CXXC4: variants seen among roughly 807,000 people sequenced by gnomAD.
The protein encoded by CXXC4 is CXXC-type zinc finger protein 4.
In CXXC4, 5 loss-of-function variants were observed where a neutral mutation model predicts 20.5. The ratio of observed to expected loss-of-function variants is 0.24; its 90% CI spans 0.13 to 0.51. CXXC4 has a LOEUF of 0.51. Ranked by LOEUF, CXXC4 falls within the 20% of genes least tolerant of loss-of-function variation. The probability of loss-of-function intolerance (pLI) is 0.97; values close to 1 mark genes in which losing one functional copy is unlikely to be tolerated. For synonymous variants in CXXC4, 250 were observed against 216.4 expected (o/e 1.16, Z -1.36); for missense variants, 419 against 496.4 (o/e 0.84, Z 1.48).
Position 104,472,580 on chromosome 4 carries a change from T to C in CXXC4, c.1060-214A>G, listed in dbSNP as rs28368367. 6.7e-3 allele frequency among the ~76,000 whole-genome samples: 1,019 copies of C among 152,120 alleles called. 9 individuals are homozygous for C. The highest frequency in any genetic ancestry group is 0.023 in the African/African-American group (952 of 41,548). The stretch of plus-strand genomic sequence containing the variant: ...TTTAATGCTAACTTGCTGAATATAC[T>C]GATTAAAACACATTGGTTTAAAAAT... On this transcript the variant is annotated intron_variant, in intron 2 of 2. Transcript: ENST00000394767.
chr4:104,494,658 T>G (rs1578326521), intron 1 of CXXC4, 43 bp downstream of exon 1: 2 of 105,764 alleles, frequency 1.9e-5, no homozygotes, highest in Non-Finnish European at 2.1e-5. Flanking sequence ...AACAAACTGT[T>G]GGGGGGGGGG....
intron 2 of CXXC4, among the ~76,000 whole-genome samples, chr4:104,490,366 T>C (rs1233737869): frequency 6.6e-6 from 1 of 152,256 alleles, no homozygotes; most frequent in East Asian, 1.9e-4. Flanking sequence ...AGTAAACTTG[T>C]ATAGGATGTG....
rs938866772 is a variant in CXXC4 at position 104,491,722 on chromosome 4, C to T, written c.81G>A (p.Gly27=). 1 of 1,544,798 alleles carries T rather than the reference C, an allele frequency of 6.5e-7. No individual in the cohort carries two copies. Among genetic ancestry groups the T allele is most frequent in the South Asian group, 1.2e-5 (1 of 83,406 alleles). Residue 27 remains glycine (G), a synonymous_variant, in exon 2 of 3, where the codon GGG becomes GGA. Coordinates refer to ENST00000394767, the MANE Select transcript of CXXC4 (RefSeq NM_025212.4). ...GLPKESHLPE[G]ALNSLVDYNS... Reference sequence around the variant, plus strand: ...TGTAATCCACAAGGCTGTTCAGAGCCCCCTCGGGCAAGTGGCTTTCCTTGG... The same window carrying T: ...TGTAATCCACAAGGCTGTTCAGAGCTCCCTCGGGCAAGTGGCTTTCCTTGG...
At chr4:104,494,003 C>T (rs1335926924) in intron 1 of CXXC4, among the ~76,000 whole-genome samples, 1 of 152,042 alleles carries the variant, frequency 6.6e-6, no homozygotes, top group Non-Finnish European at 1.5e-5. Context: ...TGTTTCCAAA[C>T]ACAAGCTTTC....
chr4:104,469,382 G>C lies in CXXC4; in HGVS notation c.*2940C>G, dbSNP rs896085726. The C allele has an allele frequency of 6.6e-6, 1 of 152,016 alleles. No individual in the cohort carries two copies. Among genetic ancestry groups the C allele is most frequent in the Non-Finnish European group, 1.5e-5 (1 of 67,976 alleles). The allele number at this position is 152,016 out of a possible 1,614,324, so 9.4% of individuals were successfully genotyped here. ...CCACGCCTAGGGAGGACAAGATCCT[G>C]TGTGCGTAGACCACTCTTACAAAGT... On this transcript the variant is annotated 3_prime_UTR_variant, in exon 3 of 3. Transcript: ENST00000394767.
At chr4:104,472,695 G>C (rs890897063) in intron 2 of CXXC4, among the ~76,000 whole-genome samples, 1 of 151,906 alleles carries the variant, frequency 6.6e-6, no homozygotes, top group Non-Finnish European at 1.5e-5. Context: ...AGTCAGCACA[G>C]GTACTTAAAA....
chr4:104,484,328 T>C (rs927592104), intron 2 of CXXC4, among the ~76,000 whole-genome samples: 5 of 152,044 alleles, frequency 3.3e-5, no homozygotes, highest in African/African-American at 9.7e-5. Flanking sequence ...TTAAGTTACT[T>C]GATACTAGTG....
intron 2 of CXXC4, among the ~76,000 whole-genome samples, chr4:104,479,806 C>CGTCCTT (rs1387858103): frequency 6.9e-6 from 1 of 144,836 alleles, no homozygotes; most frequent in African/African-American, 2.5e-5. Flanking sequence ...TCCGTCCTTC[C>CGTCCTT]GTCCTTCCTT....
chr4:104,491,814 G>T lies in CXXC4; in HGVS notation c.-12C>A. 3 of 1,399,580 alleles carry T rather than the reference G, an allele frequency of 2.1e-6. No individual in the cohort carries two copies. The highest frequency in any genetic ancestry group is 2.8e-6 in the Non-Finnish European group (3 of 1,065,252). 86.7% of individuals were successfully genotyped at this position (1,399,580 alleles called of 1,614,324 possible). A position where few individuals can be genotyped will look rare whatever the true frequency, so the allele number is the denominator to read the frequency against. Reference sequence around the variant, plus strand: ...ACATTGGTGTTCATGGTGCAGGGGGGGAAGAAGGGGTGCAGGGTGGAAGTG... The same window carrying T: ...ACATTGGTGTTCATGGTGCAGGGGGTGAAGAAGGGGTGCAGGGTGGAAGTG... On this transcript the variant is annotated 5_prime_UTR_variant, in exon 2 of 3. Coordinates refer to ENST00000394767, the MANE Select transcript of CXXC4 (RefSeq NM_025212.4).
chr4:104,470,572 A>G lies in CXXC4; in HGVS notation c.*1750T>C, dbSNP rs776746596. On this transcript the variant is annotated 3_prime_UTR_variant, in exon 3 of 3. Coordinates refer to ENST00000394767, the MANE Select transcript of CXXC4 (RefSeq NM_025212.4). ...AATCTACAACTAAATTTTTAAAAATATTCACTTACTAGTCTTTCCTAATCT... is the reference window on the plus strand; with the variant it reads ...AATCTACAACTAAATTTTTAAAAATGTTCACTTACTAGTCTTTCCTAATCT... The G allele has an allele frequency of 3.9e-5, 6 of 152,084 alleles. No individual in the cohort carries two copies. The highest frequency in any genetic ancestry group is 8.8e-5 in the Non-Finnish European group (6 of 67,984). 9.4% of individuals were successfully genotyped at this position (152,084 alleles called of 1,614,324 possible).
chr4:104,475,902 C>T (rs1379504732), intron 2 of CXXC4, among the ~76,000 whole-genome samples: 2 of 152,106 alleles, frequency 1.3e-5, no homozygotes, highest in East Asian at 3.9e-4. Flanking sequence ...CTTCACTGTT[C>T]ATGCAGGTGC....
chr4:104,486,615 C>T (rs762446425), intron 2 of CXXC4, among the ~76,000 whole-genome samples: 15 of 151,522 alleles, frequency 9.9e-5, no homozygotes, highest in Non-Finnish European at 1.6e-4. Context: ...GTTTCTTATT[C>T]TTGAGATGAA....
At chr4:104,473,357 T>C (rs1290221319) in intron 2 of CXXC4, among the ~76,000 whole-genome samples, 5 of 151,790 alleles carry the variant, frequency 3.3e-5, no homozygotes, top group Non-Finnish European at 7.4e-5. Context: ...ATAAATGGTT[T>C]CTCCAAAGAA....
At chr4:104,478,329 A>T (rs1035111226) in intron 2 of CXXC4, among the ~76,000 whole-genome samples, 1 of 152,138 alleles carries the variant, frequency 6.6e-6, no homozygotes, top group Non-Finnish European at 1.5e-5. Context: ...TTTATACATT[A>T]TGTTGTAAAG....
chr4:104,485,901 TAGAG>T (rs911825432), intron 2 of CXXC4, among the ~76,000 whole-genome samples: 8 of 152,114 alleles, frequency 5.3e-5, no homozygotes, highest in African/African-American at 9.6e-5. Context: ...AAACAAAATA[TAGAG>T]AAATACTTCA....
At chr4:104,480,998 C>A (rs1347038598) in intron 2 of CXXC4, among the ~76,000 whole-genome samples, 1 of 151,892 alleles carries the variant, frequency 6.6e-6, no homozygotes, top group East Asian at 1.9e-4. Flanking sequence ...TTCCAGCAGT[C>A]TGTAAAATAT....
chr4:104,472,187 T>TTG lies in CXXC4; in HGVS notation c.*134_*135insCA. On this transcript the variant is annotated 3_prime_UTR_variant, in exon 3 of 3. Transcript: ENST00000394767. The stretch of plus-strand genomic sequence containing the variant: ...TTCTTTTCCTCTTTTTTTTTTTTTT[T>TTG]GAAGAAAGCCCTATACATAAAATGA... The TTG allele has an allele frequency of 2.2e-6, 1 of 448,900 alleles. No homozygotes were observed. The allele number at this position is 448,900 out of a possible 1,614,324, so 27.8% of individuals were successfully genotyped here. A position where few individuals can be genotyped will look rare whatever the true frequency, so the allele number is the denominator to read the frequency against.
Position 104,491,080 on chromosome 4 carries a change from A to G in CXXC4, c.723T>C (p.Ala241=). The part of the protein sequence containing the change: ...ERVGTFSAIP[A]LGGISLPPGV... Reference sequence around the variant, plus strand: ...CTGGAGGTAATGAGATGCCCCCTAAAGCCGGGATAGCGGAAAAAGTCCCCA... The same window carrying G: ...CTGGAGGTAATGAGATGCCCCCTAAGGCCGGGATAGCGGAAAAAGTCCCCA... The change falls in exon 2 of 3, where the codon GCT becomes GCC. Residue 241 remains alanine, a synonymous_variant. Transcript: ENST00000394767. The G allele has an allele frequency of 6.2e-7, 1 of 1,614,090 alleles. No individual in the cohort carries two copies. Among genetic ancestry groups the G allele is most frequent in the South Asian group, 1.1e-5 (1 of 91,086 alleles).
chr4:104,479,405 G>GAT lies in CXXC4; in HGVS notation c.1060-7040_1060-7039insAT, dbSNP rs749313475. The stretch of plus-strand genomic sequence containing the variant: ...ATATCTCTTTTATTATTATAGTTCT[G>GAT]AGATCTGATAAATATTTATTTCTTA... On this transcript the variant is annotated intron_variant, in intron 2 of 2. Transcript: ENST00000394767. Among the ~76,000 whole-genome samples, 192 of 152,042 alleles carry GAT rather than the reference G, an allele frequency of 1.3e-3. 1 individual carries two copies. The highest frequency in any genetic ancestry group is 2.1e-3 in the Non-Finnish European group (142 of 67,982).
Sources: gnomAD v4.1 joint callset for allele counts (sites outside exome capture counted in the v4.1 genomes callset) on GRCh38, gnomAD v4.1.1 for gene constraint, MANE v1.5 for transcripts, NCBI Gene and HGNC (gene_info 2026-07-23, HGNC 2026-07-21) for gene names.